BCAP29: variants seen among roughly 807,000 people sequenced by gnomAD.
BCAP29 encodes B cell receptor associated protein 29, also known as B-cell receptor-associated protein 29.
A neutral mutation model predicts 31.8 loss-of-function variants in BCAP29; 34 were observed. The ratio of observed to expected loss-of-function variants is 1.07; its 90% CI spans 0.81 to 1.42. The LOEUF is 1.42. Ranked by LOEUF, BCAP29 falls within the 40% of genes most tolerant of loss-of-function variation. The probability of loss-of-function intolerance (pLI) is 0.00; values close to 1 mark genes in which losing one functional copy is unlikely to be tolerated. For missense variants in BCAP29, 314 were observed against 269.2 expected (o/e 1.17, Z -1.16); for synonymous variants, 104 against 91.3 (o/e 1.14, Z -0.79).
chr7:107,592,620 A>T (rs1436833182), intron 3 of BCAP29, among the ~76,000 whole-genome samples: 1 of 152,246 alleles, frequency 6.6e-6, no homozygotes, highest in Non-Finnish European at 1.5e-5. Flanking sequence ...GTCGATATAA[A>T]ACTTGCACAT....
At chr7:107,602,266 T>C (rs1811308497) in intron 6 of BCAP29, among the ~76,000 whole-genome samples, 1 of 152,222 alleles carries the variant, frequency 6.6e-6, no homozygotes, top group African/African-American at 2.4e-5. Context: ...CCCTAAGTTT[T>C]TTTAAAAAAT....
intron 6 of BCAP29, among the ~76,000 whole-genome samples, chr7:107,604,115 A>C (rs1811659957): frequency 6.6e-6 from 1 of 152,170 alleles, no homozygotes; most frequent in Admixed American, 6.5e-5. Context: ...TAGAGATACT[A>C]GATTTGGACC....
At chr7:107,595,338 T>C (rs559406609) in intron 4 of BCAP29, among the ~76,000 whole-genome samples, 1 of 152,386 alleles carries the variant, frequency 6.6e-6, no homozygotes, top group South Asian at 2.1e-4. Flanking sequence ...TGTTTTCCGC[T>C]GTGTCTGCAG....
chr7:107,580,753 A>G lies in BCAP29; in HGVS notation c.-14-6A>G. 6.4e-7 allele frequency: 1 copy of G among 1,574,380 alleles called. No homozygotes were observed. Among genetic ancestry groups the G allele is most frequent in the Non-Finnish European group, 8.7e-7 (1 of 1,156,034 alleles). ...AGCAAGAGAAAATAAGTGTTTTTCC[A>G]TTTAGGTGTGAAGAAAAAAATGACA... is the stretch of plus-strand genomic sequence containing the variant. On this transcript the variant is annotated splice_region_variant and splice_polypyrimidine_tract_variant and intron_variant, in intron 1 of 7. Coordinates refer to ENST00000005259, the MANE Select transcript of BCAP29 (RefSeq NM_018844.4).
intron 6 of BCAP29, among the ~76,000 whole-genome samples, chr7:107,607,187 C>T (rs975666172): frequency 3.9e-5 from 6 of 152,126 alleles, no homozygotes; most frequent in Non-Finnish European, 7.4e-5. Context: ...GGTAGTGGCA[C>T]GTGCCTGTAA....
At chr7:107,599,995 G>A (rs536635949) in intron 5 of BCAP29, among the ~76,000 whole-genome samples, 2 of 152,184 alleles carry the variant, frequency 1.3e-5, no homozygotes, top group East Asian at 1.9e-4. Flanking sequence ...TATAAAAATA[G>A]GCTGAGTAGA....
intron 6 of BCAP29, among the ~76,000 whole-genome samples, chr7:107,601,345 G>A (rs1484371989): frequency 6.6e-6 from 1 of 151,938 alleles, no homozygotes; most frequent in Admixed American, 6.6e-5. Context: ...CTTCAATCAG[G>A]GTGTATTTGA....
At chr7:107,620,890 A>C (rs914676541), downstream of BCAP29, 1 of 152,068 alleles carries the variant, frequency 6.6e-6, no homozygotes. Context: ...AAGTTTAACT[A>C]CTCTCTGAGA....
rs768271699 is a variant in BCAP29, at chr7:107,594,009, C to T, written c.248C>T (p.Ser83Phe). Residue 83 changes from serine (S) to phenylalanine (F), a missense_variant, in exon 4 of 8, where the codon TCC (serine) becomes TTC (phenylalanine). Physicochemically the swap from Ser to Phe is radical, Grantham distance 155 (BLOSUM62 -2). Transcript: ENST00000005259. ...TCAGTTCATACCATTGAGAAGAGCT[C>T]CACCAGCAGACCTGATGCCTATGAA... The part of the protein sequence containing the change: ...YSSVHTIEKS[S>F]TSRPDAYEHT... The T allele has an allele frequency of 2.0e-5, 33 of 1,613,726 alleles. No homozygotes were observed. Among genetic ancestry groups the T allele is most frequent in the Non-Finnish European group, 2.8e-5 (33 of 1,179,692 alleles).
intron 3 of BCAP29, among the ~76,000 whole-genome samples, chr7:107,592,535 A>G (rs2129230309): frequency 6.6e-6 from 1 of 152,380 alleles, no homozygotes; most frequent in Non-Finnish European, 1.5e-5. Context: ...CAGTTCCTCA[A>G]AAATTAAACA....
rs1354973270 is a variant in BCAP29 at position 107,583,907 on chromosome 7, G to A, written c.118G>A (p.Val40Ile). ...QRWQKIFSFN[V>I]WGKIATFWNK... Reference sequence around the variant, plus strand: ...ATGGCAGAAGATTTTTTCATTTAATGTCTGGGGTAAAATTGCAACTTTTTG... The same window carrying A: ...ATGGCAGAAGATTTTTTCATTTAATATCTGGGGTAAAATTGCAACTTTTTG... The change falls in exon 3 of 8, where the codon GTC (valine) becomes ATC (isoleucine). Residue 40 changes from valine to isoleucine, a missense_variant. By Grantham distance (29) the Val-to-Ile change is conservative (BLOSUM62 3). Transcript: ENST00000005259. 1.9e-6 allele frequency: 3 copies of A among 1,575,952 alleles called. No homozygotes were observed. Among genetic ancestry groups the A allele is most frequent in the African/African-American group, 2.7e-5 (2 of 73,616 alleles).
intron 6 of BCAP29, among the ~76,000 whole-genome samples, chr7:107,608,458 A>ATTTGTTTG (rs753945661): frequency 6.0e-5 from 9 of 149,692 alleles, no homozygotes; most frequent in Admixed American, 5.3e-4. Context: ...CATTTTGGAT[A>ATTTGTTTG]TTTGTTTGTT....
chr7:107,607,472 C>A (rs1409806832), intron 6 of BCAP29, among the ~76,000 whole-genome samples: 1 of 152,040 alleles, frequency 6.6e-6, no homozygotes, highest in African/African-American at 2.4e-5. Context: ...CCTCCTGGCT[C>A]CTCATACTTC....
In BCAP29 at chr7:107,602,964, C is replaced by CTT. The variant is rs34887499; in HGVS notation, c.589+2482_589+2483dup. Among the ~76,000 whole-genome samples, 543 of 68,306 alleles carry CTT rather than the reference C, an allele frequency of 7.9e-3. 1 individual carries two copies. Among genetic ancestry groups the CTT allele is most frequent in the African/African-American group, 9.8e-3 (158 of 16,156 alleles). 44.8% of individuals were successfully genotyped at this position (68,306 alleles called of 152,430 possible). On this transcript the variant is annotated intron_variant, in intron 6 of 7. Coordinates refer to ENST00000005259, the MANE Select transcript of BCAP29 (RefSeq NM_018844.4). ...TCATAAATGAATACCTTCTTTTATT[C>CTT]TTTTTTTTTTTTTTTTTTTTTTTTG...
rs139912849 is a variant in BCAP29, at chr7:107,608,230, C to T, written c.590-5102C>T. Among the ~76,000 whole-genome samples the T allele has an allele frequency of 2.8e-3, 428 of 151,916 alleles. 3 individuals are homozygous for T. Among genetic ancestry groups the T allele is most frequent in the African/African-American group, 9.6e-3 (397 of 41,430 alleles). ...AAAAAAAAATAAGAAAGGGAAGTTA[C>T]GCTCAACCTCCTTGAAAGCAGAGTA... On this transcript the variant is annotated intron_variant, in intron 6 of 7. Transcript: ENST00000005259.
rs1416626007 is a variant in BCAP29 at position 107,600,424 on chromosome 7, G to A, written c.508G>A (p.Glu170Lys). 6 of 1,609,046 alleles carry A rather than the reference G, an allele frequency of 3.7e-6. No individual in the cohort carries two copies. In the African/African-American group the frequency reaches 5.4e-5, roughly 14 times the overall value. ...RILKSHGKDE[E>K]CVLEAENKKL... ...TTTGAAAAGCCATGGTAAAGATGAAGAATGTGTTTTGGAAGCAGAAAATAA... is the reference window on the plus strand; with the variant it reads ...TTTGAAAAGCCATGGTAAAGATGAAAAATGTGTTTTGGAAGCAGAAAATAA... Residue 170 changes from glutamate to lysine, a missense_variant, in exon 6 of 8, where the codon GAA becomes AAA. Coordinates refer to ENST00000005259, the MANE Select transcript of BCAP29 (RefSeq NM_018844.4).
At chr7:107,595,603 A>G (rs1224764812) in intron 4 of BCAP29, among the ~76,000 whole-genome samples, 1 of 152,178 alleles carries the variant, frequency 6.6e-6, no homozygotes, top group African/African-American at 2.4e-5. Flanking sequence ...TATTCCTCCA[A>G]GCTAAAGCCT....
At chr7:107,586,625 C>T (rs550393587) in intron 3 of BCAP29, among the ~76,000 whole-genome samples, 2 of 152,166 alleles carry the variant, frequency 1.3e-5, no homozygotes, top group East Asian at 1.9e-4. Context: ...GTGGATTACT[C>T]ATGCTTAATT....
At chr7:107,582,822 T>A (rs566796527) in intron 2 of BCAP29, among the ~76,000 whole-genome samples, 1 of 152,284 alleles carries the variant, frequency 6.6e-6, no homozygotes, top group South Asian at 2.1e-4. Flanking sequence ...TGGACCTAGA[T>A]CAAGGTATTA....
Sources: allele counts gnomAD v4.1 joint callset (sites outside exome capture counted in the v4.1 genomes callset), GRCh38; gene constraint gnomAD v4.1.1; transcripts MANE v1.5; gene names NCBI Gene and HGNC (gene_info 2026-07-23, HGNC 2026-07-21).